EIF2AK3: variants seen among roughly 807,000 people sequenced by gnomAD.
EIF2AK3 encodes eukaryotic translation initiation factor 2 alpha kinase 3, also known as eukaryotic translation initiation factor 2-alpha kinase 3.
Under a neutral mutation model 113.5 loss-of-function variants are expected in EIF2AK3, and 50 were observed. That is an observed-to-expected ratio of 0.44 (90% CI 0.35 to 0.56). The LOEUF (loss-of-function observed/expected upper bound fraction) is 0.56. EIF2AK3 is among the 20% of genes least tolerant of loss of function. EIF2AK3 has a pLI of 0.00. For missense variants in EIF2AK3, 1,185 were observed against 1,378.0 expected (o/e 0.86, Z 2.22); for synonymous variants, 448 against 495.4 (o/e 0.90, Z 1.27).
intron 1 of EIF2AK3, among the ~76,000 whole-genome samples, chr2:88,617,186 A>G (rs1369691692): frequency 6.6e-6 from 1 of 152,232 alleles, no homozygotes; most frequent in East Asian, 1.9e-4. Context: ...AGAGGATAGC[A>G]ATGAGATACA....
intron 15 of EIF2AK3, among the ~76,000 whole-genome samples, chr2:88,560,102 G>A (rs1160114452): frequency 2.0e-5 from 3 of 151,998 alleles, no homozygotes; most frequent in East Asian, 3.9e-4. Context: ...CCACATCCTA[G>A]CCAACACTTG....
In EIF2AK3 at chr2:88,561,769, G is replaced by A. The variant is rs372177358; in HGVS notation, c.3087+520C>T. ...AGCTACTGGGGAGACTGAGATGGGA[G>A]GATGGCTTGAGCCCAGGAGGTTGAG... On this transcript the variant is annotated intron_variant, in intron 15 of 16. Transcript: ENST00000303236. Among the ~76,000 whole-genome samples the A allele has an allele frequency of 3.9e-5, 6 of 152,302 alleles. No homozygotes were observed. The South Asian group carries it at 1.2e-3, about 32-fold the overall frequency.
intron 14 of EIF2AK3, among the ~76,000 whole-genome samples, chr2:88,570,105 TAG>T (rs1674258371): frequency 6.6e-6 from 1 of 152,202 alleles, no homozygotes; most frequent in South Asian, 2.1e-4. Context: ...TAAGATGTGA[TAG>T]GTTTCATTGT....
chr2:88,585,443 A>G (rs1674696442), intron 9 of EIF2AK3, among the ~76,000 whole-genome samples: 2 of 152,102 alleles, frequency 1.3e-5, no homozygotes, highest in Admixed American at 6.5e-5. Context: ...ATATAAGAAG[A>G]TTGGAGCTGG....
At chr2:88,578,748 A>G (rs1026521229) in intron 11 of EIF2AK3, among the ~76,000 whole-genome samples, 3 of 152,000 alleles carry the variant, frequency 2.0e-5, no homozygotes, top group East Asian at 3.9e-4. Context: ...CTGGAACCCT[A>G]TCATCTTAAG....
intron 10 of EIF2AK3, chr2:88,579,866 A>G (rs2104419953): frequency 2.2e-6 from 1 of 447,854 alleles, no homozygotes; most frequent in East Asian, 4.6e-5. Flanking sequence ...TAAAAAAGAC[A>G]TGTTTAATTG....
At chr2:88,615,785 G>T (rs1170636816) in intron 1 of EIF2AK3, among the ~76,000 whole-genome samples, 1 of 152,114 alleles carries the variant, frequency 6.6e-6, no homozygotes, top group Non-Finnish European at 1.5e-5. Context: ...AAAACTCCTT[G>T]AAAGAGTTGT....
chr2:88,560,903 A>C lies in EIF2AK3; in HGVS notation c.3087+1386T>G, dbSNP rs529586288. Among the ~76,000 whole-genome samples the C allele has an allele frequency of 2.0e-5, 3 of 152,306 alleles. No homozygotes were observed. The East Asian group carries it at 5.8e-4, about 29-fold the overall frequency. ...AACTGATAAAATAAGAAATAGTGAC[A>C]AGAGCCTAAACTTTGAAAATATGGA... On this transcript the variant is annotated intron_variant, in intron 15 of 16. Transcript: ENST00000303236.
At chr2:88,601,810 C>CTGCATTTATTAGTTAAGATT (rs1675153546) in intron 2 of EIF2AK3, among the ~76,000 whole-genome samples, 1 of 113,390 alleles carries the variant, frequency 8.8e-6, no homozygotes, top group African/African-American at 3.3e-5. Flanking sequence ...GTCATTCTTT[C>CTGCATTTATTAGTTAAGATT]TGCATTTATT....
intron 1 of EIF2AK3, among the ~76,000 whole-genome samples, chr2:88,614,521 A>G (rs1216074061): frequency 1.3e-5 from 2 of 152,090 alleles, no homozygotes; most frequent in African/African-American, 4.8e-5. Flanking sequence ...TTCAATATCT[A>G]TCTACCTTGC....
chr2:88,562,199 TAAG>T, intron 15 of EIF2AK3, 87 bp downstream of exon 15: 6 of 1,005,084 alleles, frequency 6.0e-6, no homozygotes, highest in South Asian at 2.7e-5. Context: ...CTGCTGGTAT[TAAG>T]AAGAACTAAG....
At chr2:88,625,838 T>C (rs1675844154) in intron 1 of EIF2AK3, among the ~76,000 whole-genome samples, 1 of 151,932 alleles carries the variant, frequency 6.6e-6, no homozygotes, top group Non-Finnish European at 1.5e-5. Flanking sequence ...AACTTTGTTT[T>C]ATATATATAT....
intron 4 of EIF2AK3, among the ~76,000 whole-genome samples, chr2:88,591,274 T>C (rs905439961): frequency 2.6e-5 from 4 of 152,186 alleles, no homozygotes; most frequent in African/African-American, 9.6e-5. Context: ...GGTTGTGGAC[T>C]GACTTGATGT....
intron 2 of EIF2AK3, among the ~76,000 whole-genome samples, chr2:88,606,733 C>T (rs1675289763): frequency 6.6e-6 from 1 of 152,126 alleles, no homozygotes; most frequent in Non-Finnish European, 1.5e-5. Flanking sequence ...TAAAGCTGTA[C>T]CCTTTTCAAA....
chr2:88,590,593 T>C lies in EIF2AK3; in HGVS notation c.1015A>G (p.Ile339Val), dbSNP rs779996738. ...LEWEYQFCTPIASAWLLKDGK... is the reference protein window; with the variant it reads ...LEWEYQFCTPVASAWLLKDGK... ...TCCTTAAGTAACCAGGCAGATGCAA[T>C]TGGAGTACAAAACTAAACAAAAATG... The change falls in exon 6 of 17, where the codon ATT becomes GTT. Residue 339 changes from isoleucine (I) to valine (V), a missense_variant. Ile to Val is a conservative substitution (Grantham distance 29, BLOSUM62 3). Around this residue, in one of 3 missense-constraint regions of EIF2AK3, gnomAD observed 877 missense variants for 1,024.2 expected, o/e 0.86. Coordinates refer to ENST00000303236, the MANE Select transcript of EIF2AK3 (RefSeq NM_004836.7). 1.3e-5 allele frequency: 21 copies of C among 1,612,870 alleles called. No homozygotes were observed. The highest frequency in any genetic ancestry group is 2.2e-5 in the East Asian group (1 of 44,824).
intron 6 of EIF2AK3, among the ~76,000 whole-genome samples, chr2:88,590,074 A>C (rs1285879229): frequency 6.6e-6 from 1 of 152,094 alleles, no homozygotes; most frequent in African/African-American, 2.4e-5. Context: ...ATCTCTACTA[A>C]AAATACAAAA....
chr2:88,598,448 A>G (rs1199075419), intron 2 of EIF2AK3, among the ~76,000 whole-genome samples: 1 of 152,244 alleles, frequency 6.6e-6, no homozygotes, highest in African/African-American at 2.4e-5. Context: ...AATGAGAGTT[A>G]GATGCCCTGA....
chr2:88,562,646 C>G (rs913424596), intron 14 of EIF2AK3, among the ~76,000 whole-genome samples: 2 of 152,172 alleles, frequency 1.3e-5, no homozygotes, highest in African/African-American at 2.4e-5. Context: ...ACAGGCCCCT[C>G]GGAAACCTGG....
chr2:88,570,471 C>G (rs1333104411), intron 14 of EIF2AK3, among the ~76,000 whole-genome samples: 3 of 152,148 alleles, frequency 2.0e-5, no homozygotes, highest in African/African-American at 7.2e-5. Flanking sequence ...GTGGTACATG[C>G]TGGAAGTTGC....
Sources: gnomAD v4.1 joint callset for allele counts (sites outside exome capture counted in the v4.1 genomes callset) on GRCh38, gnomAD v4.1.1 for gene constraint, gnomAD v4.1.1 regional missense constraint, MANE v1.5 for transcripts, NCBI Gene and HGNC (gene_info 2026-07-23, HGNC 2026-07-21) for gene names.